MPPED1: variants seen among roughly 807,000 people sequenced by gnomAD.
The protein encoded by MPPED1 is metallophosphoesterase domain containing 1.
A neutral mutation model predicts 36.2 loss-of-function variants in MPPED1; 16 were observed. That is an observed-to-expected ratio of 0.44 (90% CI 0.30 to 0.67). The LOEUF is 0.67. Ranked by LOEUF, MPPED1 falls within the 30% of genes least tolerant of loss-of-function variation. The pLI is 0.10. For synonymous variants in MPPED1, 199 were observed against 191.3 expected (o/e 1.04, Z -0.33); for missense variants, 307 against 453.4 (o/e 0.68, Z 2.93).
chr22:43,499,936 AGGT>A (rs756213303), intron 5 of MPPED1, among the ~76,000 whole-genome samples: 1 of 9,350 alleles, frequency 1.1e-4, no homozygotes, highest in African/African-American at 7.9e-4. Flanking sequence ...GTGATGGTGG[AGGT>A]GGTGGTGGTG....
chr22:43,434,893 G>C, intron 2 of MPPED1, 141 bp from the exon 3 acceptor site: 1 of 876,716 alleles, frequency 1.1e-6, no homozygotes. Context: ...CCCTGGGAAG[G>C]CTGGGCGTCC....
Position 43,412,054 on chromosome 22 carries a change from A to C in MPPED1, c.-183A>C. The C allele has an allele frequency of 1.0e-6, 1 of 978,006 alleles. No individual in the cohort carries two copies. Among genetic ancestry groups the C allele is most frequent in the Non-Finnish European group, 1.2e-6 (1 of 827,098 alleles). 60.6% of individuals were successfully genotyped at this position (978,006 alleles called of 1,614,324 possible). A position where few individuals can be genotyped will look rare whatever the true frequency, so the allele number is the denominator to read the frequency against. Reference sequence around the variant, plus strand: ...CGCGCGGCGAGGCGGCCGCCGCCGGAGGAGCCCCCGCCCCTGCGCGCCTCC... The same window carrying C: ...CGCGCGGCGAGGCGGCCGCCGCCGGCGGAGCCCCCGCCCCTGCGCGCCTCC... On this transcript the variant is annotated 5_prime_UTR_variant, in exon 1 of 7. Coordinates refer to ENST00000443721, the MANE Select transcript of MPPED1 (RefSeq NM_001044370.2).
At chr22:43,481,651 C>T (rs755340096) in intron 4 of MPPED1, among the ~76,000 whole-genome samples, 2 of 152,170 alleles carry the variant, frequency 1.3e-5, no homozygotes, top group Non-Finnish European at 2.9e-5. Flanking sequence ...AGGCCTGTCA[C>T]CAGCTCCCTC....
intron 4 of MPPED1, among the ~76,000 whole-genome samples, chr22:43,481,075 G>A (rs749575934): frequency 6.7e-4 from 102 of 152,160 alleles, no homozygotes; most frequent in Middle Eastern, 3.4e-3. Flanking sequence ...CACCTGCCTC[G>A]GCCTCCCAGA....
At chr22:43,447,883 A>ATATATATATATATATATATAT (rs1321289636) in intron 3 of MPPED1, among the ~76,000 whole-genome samples, 15 of 67,700 alleles carry the variant, frequency 2.2e-4, no homozygotes, top group African/African-American at 6.0e-4. Context: ...ATATATATAT[A>ATATATATATATATATATATAT]TTTTTTTTTT....
At chr22:43,504,695 T>A (rs936988007) in intron 6 of MPPED1, among the ~76,000 whole-genome samples, 13 of 151,860 alleles carry the variant, frequency 8.6e-5, no homozygotes, top group African/African-American at 3.1e-4. Flanking sequence ...TTGGTGATAA[T>A]GATGGTGATG....
At chr22:43,499,257 G>C (rs941029421) in intron 5 of MPPED1, among the ~76,000 whole-genome samples, 1 of 147,632 alleles carries the variant, frequency 6.8e-6, no homozygotes, top group Non-Finnish European at 1.5e-5. Context: ...GGTGGTGATG[G>C]AGGTGGTGGT....
In MPPED1 at chr22:43,435,052, C is replaced by T. The variant is rs371060219; in HGVS notation, c.243C>T (p.His81=). The T allele has an allele frequency of 2.2e-5, 36 of 1,613,548 alleles. No homozygotes were observed. Among genetic ancestry groups the T allele is most frequent in the South Asian group, 3.3e-5 (3 of 91,078 alleles). The change falls in exon 3 of 7, where the codon CAC becomes CAT. Residue 81 remains histidine (H), a synonymous_variant. Coordinates refer to ENST00000443721, the MANE Select transcript of MPPED1 (RefSeq NM_001044370.2). ...CCTGCAGGGTGGACCCGGTGCCTCA[C>T]GATGCCCCCAAACCTCCAGGCTACA... ...PHVQMVDPVP[H]DAPKPPGYTR...
intron 3 of MPPED1, among the ~76,000 whole-genome samples, chr22:43,442,408 C>G (rs1236632972): frequency 6.6e-6 from 1 of 152,120 alleles, no homozygotes; most frequent in Non-Finnish European, 1.5e-5. Context: ...CTGCAAGATC[C>G]TGCCCCGTGG....
intron 4 of MPPED1, among the ~76,000 whole-genome samples, chr22:43,485,916 G>A (rs772074452): frequency 2.0e-5 from 3 of 152,198 alleles, no homozygotes; most frequent in Non-Finnish European, 2.9e-5. Flanking sequence ...TGCCAGCTCC[G>A]CACTGCCCTG....
chr22:43,500,281 T>G (rs1310049194), intron 5 of MPPED1, among the ~76,000 whole-genome samples: 1 of 129,918 alleles, frequency 7.7e-6, no homozygotes, highest in African/African-American at 3.1e-5. Flanking sequence ...GAGGTGGCGG[T>G]GGTGATGGGG....
Sources: gnomAD v4.1 joint callset for allele counts (sites outside exome capture counted in the v4.1 genomes callset) on GRCh38, gnomAD v4.1.1 for gene constraint, MANE v1.5 for transcripts, NCBI Gene and HGNC (gene_info 2026-07-23, HGNC 2026-07-21) for gene names.